Variants in ACSF2 observed in about 807,000 individuals in gnomAD.
ACSF2 encodes the protein acyl-CoA synthetase family member 2, also known as medium-chain acyl-CoA ligase ACSF2, mitochondrial.
In ACSF2, 52 loss-of-function variants were observed where a neutral mutation model predicts 79.3. That is an observed-to-expected ratio of 0.66 (90% CI 0.53 to 0.83). The LOEUF is 0.83. Ranked by LOEUF, ACSF2 falls within the 40% of genes least tolerant of loss-of-function variation. The pLI, the probability that ACSF2 is intolerant of heterozygous loss-of-function variation, is 0.00. For synonymous variants in ACSF2, 283 were observed against 312.6 expected (o/e 0.91, Z 1.00); for missense variants, 661 against 803.3 (o/e 0.82, Z 2.14).
At chr17:50,434,816 G>A (rs888625978) in intron 1 of ACSF2, among the ~76,000 whole-genome samples, 1 of 151,598 alleles carries the variant, frequency 6.6e-6, no homozygotes, top group Non-Finnish European at 1.5e-5. Context: ...GTGGTAGAAA[G>A]ATCATGGGGC....
intron 10 of ACSF2, chr17:50,468,481 G>C (rs1210847909): frequency 4.3e-6 from 7 of 1,614,158 alleles, no homozygotes; most frequent in Non-Finnish European, 5.9e-6. Context: ...GCAGCACGCG[G>C]ATGTCGTTAT....
At position 50,426,567 on chromosome 17, in the gene ACSF2, G is replaced by A. The variant is rs568869424; in HGVS notation, c.128+178G>A. Among the ~76,000 whole-genome samples the A allele has an allele frequency of 1.4e-4, 22 of 152,336 alleles. No individual in the cohort carries two copies. In the East Asian group the frequency reaches 3.7e-3, roughly 25 times the overall value. On this transcript the variant is annotated intron_variant, in intron 1 of 15. Transcript: ENST00000300441. ...TAGGAAAAGCTGGCTTGGCCTGGTG[G>A]ACTTGGGTGGGGAGGGGGCTTTGGT...
intron 10 of ACSF2, among the ~76,000 whole-genome samples, chr17:50,466,405 A>C (rs1042783476): frequency 6.6e-6 from 1 of 152,146 alleles, no homozygotes; most frequent in African/African-American, 2.4e-5. Context: ...TGTTATTTTC[A>C]ATATGCAAAT....
At chr17:50,466,992 C>G (rs2032773041) in intron 10 of ACSF2, among the ~76,000 whole-genome samples, 1 of 152,202 alleles carries the variant, frequency 6.6e-6, no homozygotes, top group South Asian at 2.1e-4. Context: ...ATTCTGCCCA[C>G]ATCTCCACAC....
intron 1 of ACSF2, among the ~76,000 whole-genome samples, chr17:50,435,511 A>G (rs1411824921): frequency 1.3e-5 from 2 of 151,774 alleles, no homozygotes; most frequent in East Asian, 3.9e-4. Flanking sequence ...CCTGGGCTCA[A>G]GTGATCCTCC....
chr17:50,465,134 T>C (rs1315717014), intron 10 of ACSF2: 2 of 759,278 alleles, frequency 2.6e-6, no homozygotes, highest in Non-Finnish European at 2.1e-6. Context: ...GGCAGGACCT[T>C]TTCCTCCCTT....
intron 1 of ACSF2, among the ~76,000 whole-genome samples, chr17:50,429,525 T>TG (rs1915330850): frequency 6.6e-6 from 1 of 151,792 alleles, no homozygotes; most frequent in African/African-American, 2.4e-5. Flanking sequence ...CTTTTTCTTT[T>TG]TTTTTTATTT....
chr17:50,467,261 TAGC>T (rs2032793505), intron 10 of ACSF2, among the ~76,000 whole-genome samples: 1 of 152,024 alleles, frequency 6.6e-6, no homozygotes, highest in Non-Finnish European at 1.5e-5. Context: ...AAAGGGCAGT[TAGC>T]AGTCTGGAGA....
intron 10 of ACSF2, among the ~76,000 whole-genome samples, chr17:50,469,484 C>T: frequency 6.6e-6 from 1 of 152,344 alleles, no homozygotes; most frequent in East Asian, 1.9e-4. Flanking sequence ...CTTCCCCACC[C>T]TCGGGCGCGC....
intron 1 of ACSF2, among the ~76,000 whole-genome samples, chr17:50,434,765 A>G (rs4794143): frequency 0.59 from 89,547 of 151,476 alleles, 27,467 homozygotes; most frequent in African/African-American, 0.74. Flanking sequence ...TGTAGTTGGT[A>G]TTTTTCAGAG....
intron 1 of ACSF2, among the ~76,000 whole-genome samples, chr17:50,439,133 C>A (rs2030677930): frequency 1.3e-5 from 2 of 150,912 alleles, no homozygotes; most frequent in African/African-American, 2.4e-5. Context: ...TGCAATGACG[C>A]CATCATGGCT....
Position 50,441,007 on chromosome 17 carries a change from G to T in ACSF2, c.128+14618G>T, listed in dbSNP as rs139605728. Among the ~76,000 whole-genome samples the T allele has an allele frequency of 3.9e-5, 6 of 152,388 alleles. No homozygotes were observed. In the East Asian group the frequency reaches 1.2e-3, roughly 29 times the overall value. On this transcript the variant is annotated intron_variant, in intron 1 of 15. Coordinates refer to ENST00000300441, the MANE Select transcript of ACSF2 (RefSeq NM_025149.6). ...GGCCATCCCGGGAGGGGCTCCCCAT[G>T]GACTGGAGGCACTCAGACGGCTCCC...
rs373277429 is a variant in ACSF2 at position 50,473,612 on chromosome 17, CAAGT to C, written c.1476-52_1476-49del. 8.9e-5 allele frequency: 144 copies of C among 1,611,648 alleles called. No individual in the cohort carries two copies. The African/African-American group carries it at 1.3e-3, about 14-fold the overall frequency. On this transcript the variant is annotated intron_variant, in intron 12 of 15. Transcript: ENST00000300441. Reference sequence around the variant, plus strand: ...AATAAATGTTTCACGACTGAGCAAGCAAGTGAGTGAACAAGGCAGAGATGACAGG... The same window carrying C: ...AATAAATGTTTCACGACTGAGCAAGCGAGTGAACAAGGCAGAGATGACAGG...
chr17:50,461,927 G>GGTGTGTGTGTGTGTGTGT (rs35178435), intron 4 of ACSF2, among the ~76,000 whole-genome samples: 2 of 148,120 alleles, frequency 1.4e-5, no homozygotes, highest in African/African-American at 5.0e-5. Flanking sequence ...TCAGGGCAGA[G>GGTGTGTGTGTGTGTGTGT]GTGTGTGTGT....
Position 50,473,705 on chromosome 17 carries a change from G to T in ACSF2, c.1516G>T (p.Val506Leu), listed in dbSNP as rs200359340. 2 of 1,614,190 alleles carry T rather than the reference G, an allele frequency of 1.2e-6. No individual in the cohort carries two copies. Among genetic ancestry groups the T allele is most frequent in the East Asian group, 2.2e-5 (1 of 44,884 alleles). Residue 506 changes from valine (V) to leucine (L), a missense_variant, in exon 13 of 16, where the codon GTG becomes TTG. By Grantham distance (32) the Val-to-Leu change is conservative. Coordinates refer to ENST00000300441, the MANE Select transcript of ACSF2 (RefSeq NM_025149.6). ...GAATGAGCAGGGCTTCTGCAAGATC[G>T]TGGGCCGCTCTAAGGATATGATCAT... ...TMNEQGFCKI[V>L]GRSKDMIIRG...
chr17:50,426,317 G>A lies in ACSF2; in HGVS notation c.56G>A (p.Gly19Glu), dbSNP rs1429804111. The stretch of plus-strand genomic sequence containing the variant: ...GGGAGGCTGTGCGCCGGGAGCTCGG[G>A]GGTGCTGGGGGCCCGGGCCGCCCTC... ...RLGRLCAGSS[G>E]VLGARAALSR... The change falls in exon 1 of 16, where the codon GGG becomes GAG. Residue 19 changes from glycine (G) to glutamate (E), a missense_variant. Coordinates refer to ENST00000300441, the MANE Select transcript of ACSF2 (RefSeq NM_025149.6). 5.7e-6 allele frequency: 8 copies of A among 1,415,872 alleles called. No homozygotes were observed. The highest frequency in any genetic ancestry group is 1.5e-5 in the African/African-American group (1 of 67,692). 87.7% of individuals were successfully genotyped at this position (1,415,872 alleles called of 1,614,324 possible). A position where few individuals can be genotyped will look rare whatever the true frequency, so the allele number is the denominator to read the frequency against.
chr17:50,467,973 C>T, intron 10 of ACSF2: 4 of 1,480,602 alleles, frequency 2.7e-6, no homozygotes, highest in Non-Finnish European at 2.7e-6. Context: ...CCAGCTGTGG[C>T]CCTGGCTCCT....
At chr17:50,460,199 C>T (rs1364276260) in intron 1 of ACSF2, 1 of 456,574 alleles carries the variant, frequency 2.2e-6, no homozygotes, top group Non-Finnish European at 4.4e-6. Flanking sequence ...CTTTGGCTTT[C>T]AGGCCCTCAG....
chr17:50,448,804 G>A (rs2031462604), intron 1 of ACSF2, among the ~76,000 whole-genome samples: 1 of 151,528 alleles, frequency 6.6e-6, no homozygotes. Context: ...TGGCCTTTGT[G>A]CAAGGTTGTG....
Sources: gnomAD v4.1 joint callset for allele counts (sites outside exome capture counted in the v4.1 genomes callset) on GRCh38, gnomAD v4.1.1 for gene constraint, MANE v1.5 for transcripts, NCBI Gene and HGNC (gene_info 2026-07-23, HGNC 2026-07-21) for gene names.